The following AXIN1 variants were observed in gnomAD, a reference collection of about 807,000 sequenced individuals.
AXIN1 encodes axin-1.
Under a neutral mutation model 76.4 loss-of-function variants are expected in AXIN1, and 30 were observed. The ratio of observed to expected loss-of-function variants is 0.39; its 90% CI spans 0.29 to 0.53. The LOEUF (loss-of-function observed/expected upper bound fraction) is 0.53. AXIN1 is among the 20% of genes least tolerant of loss of function. The pLI is 0.66. For missense variants in AXIN1, 1,140 were observed against 1,198.8 expected, an observed-to-expected ratio of 0.95 and a Z score of 0.72; for synonymous variants, 545 against 501.4, an observed-to-expected ratio of 1.09 and a Z score of -1.16.
At chr16:332,444 G>A (rs1045358563) in intron 2 of AXIN1, among the ~76,000 whole-genome samples, 25 of 151,918 alleles carry the variant, frequency 1.6e-4, no homozygotes, top group Non-Finnish European at 2.9e-4. Context: ...GGGCGTGGTG[G>A]CGGGCGCCTG....
Position 309,965 on chromosome 16 carries a change from G to T in AXIN1, c.1116+8C>A. ...CGATGGGCTGAGGACCGCAAAGCCG[G>T]TACTTACGGGAATGTGAGGTAGGGG... is the stretch of plus-strand genomic sequence containing the variant. On this transcript the variant is annotated splice_region_variant and intron_variant, in intron 4 of 10. Coordinates refer to ENST00000262320, the MANE Select transcript of AXIN1 (RefSeq NM_003502.4). 1.9e-6 allele frequency: 3 copies of T among 1,613,006 alleles called. No individual in the cohort carries two copies. The highest frequency in any genetic ancestry group is 2.5e-6 in the Non-Finnish European group (3 of 1,179,714).
rs931379371 is a variant in AXIN1 at position 293,935 on chromosome 16, C to G, written c.1956-217G>C. On this transcript the variant is annotated intron_variant, in intron 7 of 10. Coordinates refer to ENST00000262320, the MANE Select transcript of AXIN1 (RefSeq NM_003502.4). This position sits in a 1 kb window ranked among gnomAD's most constrained non-coding sequence, Gnocchi z 4.6. ...GCTCACACCTGTAATCCCAGCATTT[C>G]GGGAGGCCGAGGCGGGCAGATCACC... Among the ~76,000 whole-genome samples the G allele has an allele frequency of 4.6e-5, 7 of 152,080 alleles. No individual in the cohort carries two copies. The highest frequency in any genetic ancestry group is 7.4e-5 in the Non-Finnish European group (5 of 68,000).
In AXIN1 at chr16:304,287, C is replaced by T. The variant is rs62032881; in HGVS notation, c.1254+17G>A. On this transcript the variant is annotated intron_variant, in intron 5 of 10. Transcript: ENST00000262320. Reference sequence around the variant, plus strand: ...ACGACACCGACGCGGAGCGCGACACCGACGCGGCCCACTCACCATGCGCAC... The same window carrying T: ...ACGACACCGACGCGGAGCGCGACACTGACGCGGCCCACTCACCATGCGCAC... The T allele has an allele frequency of 0.15, 244,659 of 1,609,648 alleles. 19,466 individuals carry two copies. Among genetic ancestry groups the T allele is most frequent in the South Asian group, 0.22 (19,737 of 90,970 alleles).
At chr16:322,140 A>T (rs1165039361) in intron 2 of AXIN1, among the ~76,000 whole-genome samples, 1 of 152,228 alleles carries the variant, frequency 6.6e-6, no homozygotes, top group Non-Finnish European at 1.5e-5. Flanking sequence ...GTGGCCAGGG[A>T]AACCCAGGCA....
intron 2 of AXIN1, among the ~76,000 whole-genome samples, chr16:325,610 C>T (rs769818202): frequency 2.0e-5 from 3 of 152,234 alleles, no homozygotes; most frequent in African/African-American, 4.8e-5. Context: ...ACCCACTGCC[C>T]GCAGGGGCCG....
Position 297,811 on chromosome 16 carries a change from GC to G in AXIN1, c.1694del (p.Gly565AlafsTer140). 3 of 1,565,982 alleles carry G rather than the reference GC, an allele frequency of 1.9e-6. No homozygotes were observed. Among genetic ancestry groups the G allele is most frequent in the Non-Finnish European group, 8.7e-7 (1 of 1,155,034 alleles). ...TTGCCCCATGGCTGTGTGGTTCCAG[GC>G]CCCAGGCGAAGCTGCTCTGGGCCCT... Reference protein sequence around the residue: ...TRRAQSSFAWGLEPHSHGARS... With the variant: ...TRRAQSSFAWXLEPHSHGARS... On this transcript the variant is annotated frameshift_variant, in exon 6 of 11. Transcript: ENST00000262320. LOFTEE classifies it high-confidence loss of function.
intron 1 of AXIN1, among the ~76,000 whole-genome samples, chr16:349,483 T>C (rs2054100564): frequency 6.6e-6 from 1 of 152,150 alleles, no homozygotes; most frequent in Non-Finnish European, 1.5e-5. Flanking sequence ...TGTACTACCA[T>C]TCACTAGCTT....
chr16:326,976 TA>T (rs1015645092), intron 2 of AXIN1, among the ~76,000 whole-genome samples: 10 of 150,476 alleles, frequency 6.6e-5, no homozygotes, highest in South Asian at 2.1e-4. Context: ...CCATCTCTAC[TA>T]AAAATATAAA....
intron 2 of AXIN1, among the ~76,000 whole-genome samples, chr16:319,076 G>A (rs2053379095): frequency 1.3e-5 from 2 of 152,178 alleles, no homozygotes; most frequent in Non-Finnish European, 1.5e-5. Context: ...AGCTCTTCTG[G>A]AACAGGTGCC....
intron 2 of AXIN1, among the ~76,000 whole-genome samples, chr16:337,001 T>A (rs1200571091): frequency 6.6e-6 from 1 of 150,742 alleles, no homozygotes; most frequent in African/African-American, 2.4e-5. Flanking sequence ...CACAAAAAAA[T>A]TAGCCGGGCA....
chr16:349,724 G>T (rs991329138), intron 1 of AXIN1, among the ~76,000 whole-genome samples: 7 of 152,196 alleles, frequency 4.6e-5, no homozygotes, highest in Non-Finnish European at 7.3e-5. Flanking sequence ...CCAAACACTG[G>T]CTCTCTACAG....
chr16:293,445 T>C lies in AXIN1; in HGVS notation c.2186+43A>G. On this transcript the variant is annotated intron_variant, in intron 8 of 10. Coordinates refer to ENST00000262320, the MANE Select transcript of AXIN1 (RefSeq NM_003502.4). The surrounding 1 kb of genome is among the most constrained non-coding windows in gnomAD (Gnocchi z 4.6). The stretch of plus-strand genomic sequence containing the variant: ...AGCTTCAGCCCCAGGAGTGGTGCTG[T>C]GGTAACCCCCAAGACCCACCCCACC... 6.3e-7 allele frequency: 1 copy of C among 1,584,402 alleles called. No individual in the cohort carries two copies.
intron 4 of AXIN1, among the ~76,000 whole-genome samples, chr16:305,945 T>TGAG (rs1329023619): frequency 3.3e-5 from 5 of 152,130 alleles, no homozygotes; most frequent in Non-Finnish European, 7.4e-5. Context: ...ATTACCGGTG[T>TGAG]GAGCCACCAC....
rs568350522 is a variant in AXIN1 at position 291,197 on chromosome 16, C to T, written c.2287G>A (p.Glu763Lys). The change falls in exon 9 of 11, where the codon GAG becomes AAG. Residue 763 changes from glutamate (E) to lysine (K), a missense_variant. Physicochemically the swap from Glu to Lys is moderately conservative, Grantham distance 56. Around this residue, in one of 3 missense-constraint regions of AXIN1, gnomAD observed 429 missense variants for 405.8 expected, o/e 1.06. Transcript: ENST00000262320. ...CCCTCAGGACGCACGTACTCTGTCT[C>T]GGAGAGCTCCATGTCCGACACGGCT... ...VPAVSDMELSETETRSQRKVG... is the reference protein window; with the variant it reads ...VPAVSDMELSKTETRSQRKVG... The T allele has an allele frequency of 2.5e-5, 40 of 1,583,500 alleles. No individual in the cohort carries two copies. The highest frequency in any genetic ancestry group is 2.1e-4 in the East Asian group (9 of 43,790).
chr16:297,076 C>T lies in AXIN1; in HGVS notation c.1935G>A (p.Arg645=), dbSNP rs1363043820. The T allele has an allele frequency of 1.2e-6, 2 of 1,611,916 alleles. No individual in the cohort carries two copies. Among genetic ancestry groups the T allele is most frequent in the East Asian group, 2.2e-5 (1 of 44,884 alleles). ...WIIEGEKEIS[R]HRRTGHGSSG... ...CTCACCCGTGGCCGGTCCTGCGGTG[C>T]CTGCTGATCTCCTTTTCCCCCTCAA... The change falls in exon 7 of 11, where the codon AGG becomes AGA. Residue 645 remains arginine, a synonymous_variant. Coordinates refer to ENST00000262320, the MANE Select transcript of AXIN1 (RefSeq NM_003502.4).
At chr16:291,581 ATC>A in intron 8 of AXIN1, 1 of 513,124 alleles carries the variant, frequency 1.9e-6, no homozygotes, top group Admixed American at 3.2e-5. Flanking sequence ...GGGTGCTGGG[ATC>A]CCACCACCTC....
intron 8 of AXIN1, chr16:292,231 C>G (rs1009944016): frequency 2.0e-5 from 3 of 152,420 alleles, no homozygotes; most frequent in Non-Finnish European, 4.4e-5. Context: ...GCCCCGGCTC[C>G]GAGCACCACA....
rs996294369 is a variant in AXIN1, at chr16:289,289, C to A, written c.2462+151G>T. ...CCATGTTGCCCAGGCTGGTCTCGAA[C>A]TGCTGAGCTGAGGCAATCCGCCCAC... On this transcript the variant is annotated intron_variant, in intron 10 of 10. Transcript: ENST00000262320. 5 of 967,324 alleles carry A rather than the reference C, an allele frequency of 5.2e-6. No homozygotes were observed. In the African/African-American group the frequency reaches 8.1e-5, roughly 16 times the overall value. The allele number at this position is 967,324 out of a possible 1,614,324, so 59.9% of individuals were successfully genotyped here.
rs1235853449 is a variant in AXIN1, at chr16:320,736, TA to T, written c.879-6054del. Among the ~76,000 whole-genome samples, 100 of 87,954 alleles carry T rather than the reference TA, an allele frequency of 1.1e-3. 1 individual carries two copies. Among genetic ancestry groups the T allele is most frequent in the East Asian group, 9.9e-3 (40 of 4,058 alleles). 57.7% of individuals were successfully genotyped at this position (87,954 alleles called of 152,430 possible). A position where few individuals can be genotyped will look rare whatever the true frequency, so the allele number is the denominator to read the frequency against. Reference sequence around the variant, plus strand: ...ATGCGTGTGTGTGTATATATATATATATATATATTTTTTTTTTTTTTGAGAC... The same window carrying T: ...ATGCGTGTGTGTGTATATATATATATTATATATTTTTTTTTTTTTTGAGAC... On this transcript the variant is annotated intron_variant, in intron 2 of 10. Coordinates refer to ENST00000262320, the MANE Select transcript of AXIN1 (RefSeq NM_003502.4).
Sources: allele counts gnomAD v4.1 joint callset (sites outside exome capture counted in the v4.1 genomes callset), GRCh38; gene constraint gnomAD v4.1.1; regional missense constraint gnomAD v4.1.1; non-coding constraint Gnocchi (gnomAD v3.1); transcripts MANE v1.5; gene names NCBI Gene and HGNC (gene_info 2026-07-23, HGNC 2026-07-21).